Variants in FANCA observed in about 807,000 individuals in gnomAD.
The protein encoded by FANCA is FA complementation group A.
Under a neutral mutation model 194.3 loss-of-function variants are expected in FANCA, and 236 were observed. The ratio of observed to expected loss-of-function variants is 1.21; its 90% CI spans 1.09 to 1.35. The LOEUF is 1.35. Among genes scored for constraint, FANCA ranks in the 40% most tolerant of loss-of-function variants. FANCA has a pLI of 0.00. For synonymous variants in FANCA, 1,014 were observed against 715.8 expected, an observed-to-expected ratio of 1.42 and a Z score of -6.65; for missense variants, 2,628 against 1,813.9, an observed-to-expected ratio of 1.45 and a Z score of -8.15.
At chr16:89,783,243 C>G (rs2039782391) in intron 15 of FANCA, 141 bp from the exon 16 acceptor site, 2 of 718,520 alleles carry the variant, frequency 2.8e-6, no homozygotes, top group South Asian at 3.0e-5. Flanking sequence ...GTATGCAAAG[C>G]AAACCATTAG....
chr16:89,786,790 A>G (rs1206885696), intron 14 of FANCA, among the ~76,000 whole-genome samples: 4 of 152,222 alleles, frequency 2.6e-5, no homozygotes, highest in Admixed American at 2.0e-4. Context: ...AAGCAGCTCA[A>G]TACTTGTCAG....
chr16:89,775,284 C>T (rs150217842), intron 21 of FANCA, among the ~76,000 whole-genome samples: 2 of 152,286 alleles, frequency 1.3e-5, no homozygotes, highest in Non-Finnish European at 2.9e-5. Context: ...TAGGTCTGAC[C>T]GACAGCTGCA....
chr16:89,796,271 G>A (rs796170837), intron 10 of FANCA, among the ~76,000 whole-genome samples: 1 of 152,088 alleles, frequency 6.6e-6, no homozygotes. Flanking sequence ...GTGGGGAAGG[G>A]CAGGCCGCGC....
Position 89,749,753 on chromosome 16 carries a change from C to T in FANCA, c.3216G>A (p.Gln1072=), listed in dbSNP as rs753298211. The change falls in exon 32 of 43, where the codon CAG becomes CAA. Residue 1072 remains glutamine, a synonymous_variant. Transcript: ENST00000389301. ...GWSVAASLQR[Q]RELLMYKRIL... is the part of the protein sequence containing the mutation. ...ACCGTTTGTACATTAGCAGCTCCCTCTGTCTCTGAAGGCTGGCAGCCACGC... is the reference window on the plus strand; with the variant it reads ...ACCGTTTGTACATTAGCAGCTCCCTTTGTCTCTGAAGGCTGGCAGCCACGC... 1 of 1,614,158 alleles carries T rather than the reference C, an allele frequency of 6.2e-7. No individual in the cohort carries two copies. The highest frequency in any genetic ancestry group is 8.5e-7 in the Non-Finnish European group (1 of 1,179,988).
intron 14 of FANCA, among the ~76,000 whole-genome samples, chr16:89,787,001 A>G (rs981724786): frequency 2.6e-5 from 4 of 152,232 alleles, no homozygotes; most frequent in African/African-American, 9.6e-5. Flanking sequence ...CCGCAGCAGG[A>G]ACAGTCCAGA....
rs774026652 is a variant in FANCA, at chr16:89,791,495, G to A, written c.1267C>T (p.Gln423Ter). Residue 423 changes from glutamine to a stop codon, truncating the protein, a stop_gained, in exon 14 of 43, where the codon CAG (glutamine) becomes TAG (stop). Coordinates refer to ENST00000389301, the MANE Select transcript of FANCA (RefSeq NM_000135.4). LOFTEE classifies it high-confidence loss of function. The part of the protein sequence containing the change: ...RLMAQAFESC[Q>*]LDSMVTAFLV... ...AACGCAGTGACCATGCTGTCCAGCT[G>A]GCAGCTCTCGAATGCCTGGGCCATC... 2 of 1,614,152 alleles carry A rather than the reference G, an allele frequency of 1.2e-6. No individual in the cohort carries two copies. The highest frequency in any genetic ancestry group is 1.7e-6 in the Non-Finnish European group (2 of 1,180,032).
rs1173981723 is a variant in FANCA, at chr16:89,749,828, G to A, written c.3141C>T (p.Phe1047=). Residue 1047 remains phenylalanine (F), a synonymous_variant, in exon 32 of 43, where the codon TTC becomes TTT. Transcript: ENST00000389301. ...GCCGTCTGCGGAAAATCTCAAAGAG[G>A]AAGTGCTCCTGGGAAGGGGTGTGGC... ...PLGHTPSQEH[F]LFEIFRRRLQ... 1 of 1,614,210 alleles carries A rather than the reference G, an allele frequency of 6.2e-7. No individual in the cohort carries two copies. The highest frequency in any genetic ancestry group is 1.1e-5 in the South Asian group (1 of 91,088).
intron 25 of FANCA, 24 bp from the exon 26 acceptor site, chr16:89,770,048 G>A (rs116653643): frequency 1.2e-6 from 2 of 1,609,660 alleles, no homozygotes; most frequent in Admixed American, 1.7e-5. Context: ...GAGGGTGGCA[G>A]AGCAGACTGC....
At chr16:89,806,455 T>C (rs897121466) in intron 6 of FANCA, among the ~76,000 whole-genome samples, 1 of 148,070 alleles carries the variant, frequency 6.8e-6, no homozygotes, top group African/African-American at 2.5e-5. Flanking sequence ...GATAAACAAG[T>C]GAACAAAGGT....
chr16:89,780,142 C>T (rs989714459), intron 17 of FANCA, among the ~76,000 whole-genome samples, 185 bp from the exon 18 acceptor site: 8 of 152,200 alleles, frequency 5.3e-5, no homozygotes, highest in Non-Finnish European at 1.2e-4. Flanking sequence ...AAAATACCAG[C>T]ACGACAGGGG....
intron 14 of FANCA, among the ~76,000 whole-genome samples, chr16:89,790,031 G>A (rs8058009): frequency 0.41 from 61,661 of 152,054 alleles, 13,749 homozygotes; most frequent in East Asian, 0.76. Context: ...AGCACACTGT[G>A]TGTGTTCCAA....
intron 9 of FANCA, 22 bp from the exon 10 acceptor site, chr16:89,799,254 G>GA: frequency 6.2e-7 from 1 of 1,613,678 alleles, no homozygotes; most frequent in East Asian, 2.2e-5. Context: ...GCCAGGAACA[G>GA]AAAACAGATG....
chr16:89,767,153 G>C lies in FANCA; in HGVS notation c.2589C>G (p.Gly863=). The C allele has an allele frequency of 6.2e-7, 1 of 1,611,216 alleles. No individual in the cohort carries two copies. Among genetic ancestry groups the C allele is most frequent in the East Asian group, 2.2e-5 (1 of 44,862 alleles). Residue 863 remains glycine (G), a synonymous_variant, in exon 27 of 43, where the codon GGC becomes GGG. Coordinates refer to ENST00000389301, the MANE Select transcript of FANCA (RefSeq NM_000135.4). ...RDTLCSCLSP[G]LIKKFQFLMF... is the part of the protein sequence containing the mutation. ...AGAGTGAACCTACCTTTTTAATAAG[G>C]CCTGGAGATAAGCAGCTGCACAAAG...
intron 29 of FANCA, among the ~76,000 whole-genome samples, chr16:89,759,318 T>TAAAAAAAAAAAAAAAAAAAAAA (rs71137673): frequency 2.3e-4 from 17 of 75,198 alleles, no homozygotes; most frequent in Non-Finnish European, 3.6e-4. Flanking sequence ...AGACTCCGTC[T>TAAAAAAAAAAAAAAAAAAAAAA]AAAAAAAAAA....
At chr16:89,761,662 T>C (rs534744123) in intron 29 of FANCA, among the ~76,000 whole-genome samples, 4 of 152,192 alleles carry the variant, frequency 2.6e-5, no homozygotes, top group Non-Finnish European at 2.9e-5. Flanking sequence ...TCTCACTCCG[T>C]TGCACAGGCT....
chr16:89,753,122 T>G (rs1324211352), intron 30 of FANCA, among the ~76,000 whole-genome samples: 135 of 152,294 alleles, frequency 8.9e-4, no homozygotes, highest in African/African-American at 3.1e-3. Context: ...TATGCAGAAA[T>G]AATGGCGTAA....
rs545669906 is a variant in FANCA, at chr16:89,801,279, G to A, written c.793-1641C>T. Among the ~76,000 whole-genome samples, 26 of 147,642 alleles carry A rather than the reference G, an allele frequency of 1.8e-4. 1 individual carries two copies. Among genetic ancestry groups the A allele is most frequent in the Admixed American group, 1.6e-3 (24 of 14,734 alleles). Reference sequence around the variant, plus strand: ...GAATGGCGTGAACCCCGGAGGCGGAGCTTGCAGTGAGCCGAGATCGCGCCA... The same window carrying A: ...GAATGGCGTGAACCCCGGAGGCGGAACTTGCAGTGAGCCGAGATCGCGCCA... On this transcript the variant is annotated intron_variant, in intron 8 of 42. Coordinates refer to ENST00000389301, the MANE Select transcript of FANCA (RefSeq NM_000135.4).
chr16:89,809,629 C>A (rs1056275535), intron 5 of FANCA, among the ~76,000 whole-genome samples: 4 of 151,900 alleles, frequency 2.6e-5, no homozygotes, highest in Non-Finnish European at 5.9e-5. Flanking sequence ...GTGGGCAGAT[C>A]ATCTGAGGTC....
rs758012812 is a variant in FANCA at position 89,791,384 on chromosome 16, C to T, written c.1359+19G>A. 28 of 1,612,876 alleles carry T rather than the reference C, an allele frequency of 1.7e-5. No individual in the cohort carries two copies. Among genetic ancestry groups the T allele is most frequent in the African/African-American group, 2.7e-5 (2 of 74,882 alleles). On this transcript the variant is annotated intron_variant, in intron 14 of 42. Coordinates refer to ENST00000389301, the MANE Select transcript of FANCA (RefSeq NM_000135.4). ...CTGGGAAGATCAGGTATTAGGTAGC[C>T]GATTGGCAGGTCACTTACCTTGAAC...
Sources: gnomAD v4.1 joint callset for allele counts (sites outside exome capture counted in the v4.1 genomes callset) on GRCh38, gnomAD v4.1.1 for gene constraint, MANE v1.5 for transcripts, NCBI Gene and HGNC (gene_info 2026-07-23, HGNC 2026-07-21) for gene names.